ITGA9: variants seen among roughly 807,000 people sequenced by gnomAD.
ITGA9 encodes integrin alpha-9.
Under a neutral mutation model 127.8 loss-of-function variants are expected in ITGA9, and 56 were observed. The observed-to-expected ratio is 0.44, with a 90% CI of 0.35 to 0.55. The LOEUF (loss-of-function observed/expected upper bound fraction) is 0.55. Among genes scored for constraint, ITGA9 ranks in the 20% least tolerant of loss-of-function variants. The pLI, the probability that ITGA9 is intolerant of heterozygous loss-of-function variation, is 0.00. For missense variants in ITGA9, 1,196 were observed against 1,347.1 expected, an observed-to-expected ratio of 0.89 and a Z score of 1.76; for synonymous variants, 508 against 514.5, an observed-to-expected ratio of 0.99 and a Z score of 0.17.
At chr3:37,559,230 C>T (rs144580793) in intron 15 of ITGA9, among the ~76,000 whole-genome samples, 38 of 152,054 alleles carry the variant, frequency 2.5e-4, no homozygotes, top group African/African-American at 8.7e-4. Context: ...TGTAATAAAT[C>T]AAACTTTTCT....
At position 37,797,717 on chromosome 3, in the gene ITGA9, C is replaced by CTTTTTAT. The variant is rs541964450; in HGVS notation, c.2890-6088_2890-6082dup. Among the ~76,000 whole-genome samples, 10 of 152,226 alleles carry CTTTTTAT rather than the reference C, an allele frequency of 6.6e-5. No homozygotes were observed. In the East Asian group the frequency reaches 1.5e-3, roughly 24 times the overall value. On this transcript the variant is annotated intron_variant, in intron 26 of 27. Transcript: ENST00000264741. ...TGAAGTCTTCTACGTATTAGATAATCTTTTTATTTTTTATTTTTTATTTTA... is the reference window on the plus strand; with the variant it reads ...TGAAGTCTTCTACGTATTAGATAATCTTTTTATTTTTTATTTTTTATTTTTTATTTTA...
intron 13 of ITGA9, among the ~76,000 whole-genome samples, chr3:37,527,896 C>T (rs369282246): frequency 1.8e-4 from 27 of 152,184 alleles, no homozygotes; most frequent in African/African-American, 5.8e-4. Context: ...AGTGATTCTC[C>T]TGCCTCAGCC....
At chr3:37,704,627 C>T (rs184957978) in intron 18 of ITGA9, among the ~76,000 whole-genome samples, 9 of 152,258 alleles carry the variant, frequency 5.9e-5, no homozygotes, top group South Asian at 2.1e-4. Context: ...CCAACTCAGG[C>T]CCAATATCAC....
chr3:37,591,890 TGAC>T (rs1699824442), intron 15 of ITGA9, among the ~76,000 whole-genome samples: 1 of 152,224 alleles, frequency 6.6e-6, no homozygotes, highest in Non-Finnish European at 1.5e-5. Flanking sequence ...GGAATTACTT[TGAC>T]AAAGGATGGG....
At chr3:37,743,538 A>G (rs775908840) in intron 21 of ITGA9, among the ~76,000 whole-genome samples, 2 of 152,250 alleles carry the variant, frequency 1.3e-5, no homozygotes, top group East Asian at 3.8e-4. Flanking sequence ...TAGGATGCCA[A>G]ATACATAACT....
chr3:37,688,969 G>A (rs958713815), intron 18 of ITGA9, among the ~76,000 whole-genome samples: 1 of 151,052 alleles, frequency 6.6e-6, no homozygotes, highest in Non-Finnish European at 1.5e-5. Context: ...TGGATGGGCA[G>A]GTGAGTGGAT....
intron 14 of ITGA9, among the ~76,000 whole-genome samples, chr3:37,537,382 A>G (rs1699219553): frequency 6.6e-6 from 1 of 152,140 alleles, no homozygotes. Context: ...ATATTAGCAG[A>G]GCCTCACAGC....
intron 20 of ITGA9, among the ~76,000 whole-genome samples, chr3:37,737,787 G>T (rs1006964667): frequency 6.6e-6 from 1 of 152,200 alleles, no homozygotes; most frequent in Non-Finnish European, 1.5e-5. Context: ...AAACTTAACA[G>T]AAGTCTTACA....
At chr3:37,647,791 C>G (rs1700393119) in intron 16 of ITGA9, among the ~76,000 whole-genome samples, 1 of 152,020 alleles carries the variant, frequency 6.6e-6, no homozygotes, top group African/African-American at 2.4e-5. Context: ...TCCATGTTAT[C>G]AAAAATGGCA....
At chr3:37,602,907 G>C (rs528020085) in intron 15 of ITGA9, among the ~76,000 whole-genome samples, 71 of 152,314 alleles carry the variant, frequency 4.7e-4, no homozygotes, top group African/African-American at 1.7e-3. Context: ...GGTCTATACT[G>C]CTGCAAAGCT....
rs1010077962 is a variant in ITGA9, at chr3:37,522,940, C to G, written c.1237-581C>G. On this transcript the variant is annotated intron_variant, in intron 11 of 27. Transcript: ENST00000264741. ...GGAGTTCTAGATTTACTGGGTAAAA[C>G]TGTTCACTCCTGTCTGTGAAGCTCC... Among the ~76,000 whole-genome samples, 8 of 152,200 alleles carry G rather than the reference C, an allele frequency of 5.3e-5. No individual in the cohort carries two copies. In the East Asian group the frequency reaches 1.4e-3, roughly 26 times the overall value.
chr3:37,691,436 G>A (rs566168650), intron 18 of ITGA9, among the ~76,000 whole-genome samples: 16 of 152,260 alleles, frequency 1.1e-4, no homozygotes, highest in Admixed American at 3.9e-4. Flanking sequence ...AAGATGGAGG[G>A]TTCCAGCTTC....
chr3:37,470,925 C>T (rs945301668), intron 1 of ITGA9, 82 bp from the exon 2 acceptor site: 61 of 1,453,048 alleles, frequency 4.2e-5, no homozygotes, highest in Non-Finnish European at 5.2e-5. Flanking sequence ...AGAGCCCACC[C>T]GTGGTTGGGT....
At chr3:37,628,670 G>C (rs1372500234) in intron 15 of ITGA9, among the ~76,000 whole-genome samples, 1 of 152,150 alleles carries the variant, frequency 6.6e-6, no homozygotes, top group Non-Finnish European at 1.5e-5. Context: ...GGATTCCAAA[G>C]GAAAGAACAC....
chr3:37,456,744 A>G (rs1297445087), intron 1 of ITGA9, among the ~76,000 whole-genome samples: 1 of 152,260 alleles, frequency 6.6e-6, no homozygotes, highest in Non-Finnish European at 1.5e-5. Context: ...AATAGGAGGC[A>G]ATTCCAAGCC....
chr3:37,700,420 C>T (rs1176216249), intron 18 of ITGA9, among the ~76,000 whole-genome samples: 1 of 152,166 alleles, frequency 6.6e-6, no homozygotes, highest in African/African-American at 2.4e-5. Context: ...GTGACATGAT[C>T]TTGGCTCACT....
At chr3:37,702,937 G>A (rs968694684) in intron 18 of ITGA9, among the ~76,000 whole-genome samples, 5 of 151,890 alleles carry the variant, frequency 3.3e-5, no homozygotes, top group African/African-American at 4.8e-5. Flanking sequence ...TCACATGGTC[G>A]CCCTGTCCCT....
chr3:37,527,272 A>C (rs1365520326), intron 13 of ITGA9, among the ~76,000 whole-genome samples: 1 of 152,226 alleles, frequency 6.6e-6, no homozygotes, highest in African/African-American at 2.4e-5. Flanking sequence ...CTGCATTCCT[A>C]TGGCTTTTGC....
At chr3:37,723,737 C>T (rs1194813585) in intron 18 of ITGA9, among the ~76,000 whole-genome samples, 3 of 152,304 alleles carry the variant, frequency 2.0e-5, no homozygotes, top group Admixed American at 6.5e-5. Context: ...GCGACGGCAG[C>T]GCTGTGTTTG....
Sources: gnomAD v4.1 joint callset for allele counts (sites outside exome capture counted in the v4.1 genomes callset) on GRCh38, gnomAD v4.1.1 for gene constraint, MANE v1.5 for transcripts, NCBI Gene and HGNC (gene_info 2026-07-23, HGNC 2026-07-21) for gene names.